TTC28: variants seen among roughly 807,000 people sequenced by gnomAD.
TTC28 encodes the protein tetratricopeptide repeat protein 28.
In TTC28, 61 loss-of-function variants were observed where a neutral mutation model predicts 198.0. The observed-to-expected ratio is 0.31, with a 90% CI of 0.25 to 0.38. The LOEUF is 0.38. TTC28 is among the 10% of genes least tolerant of loss of function. The pLI is 1.00. For synonymous variants in TTC28, 1,171 were observed against 1,297.8 expected, an observed-to-expected ratio of 0.90 and a Z score of 2.10; for missense variants, 2,678 against 3,164.0, an observed-to-expected ratio of 0.85 and a Z score of 3.69.
Position 28,105,460 on chromosome 22 carries a change from G to C in TTC28, c.3126C>G (p.Asn1042Lys). Residue 1042 changes from asparagine (N) to lysine (K), a missense_variant, in exon 8 of 23, where the codon AAC becomes AAG. By Grantham distance (94) the Asn-to-Lys change is moderately conservative. Coordinates refer to ENST00000397906, the MANE Select transcript of TTC28 (RefSeq NM_001145418.2). ...NPTCQGRAYG[N>K]LGLTYESLGT... Reference sequence around the variant, plus strand: ...CCAGGGATTCATAAGTCAGGCCCAGGTTCCCATAGGCTCGGCCCTGGCACG... The same window carrying C: ...CCAGGGATTCATAAGTCAGGCCCAGCTTCCCATAGGCTCGGCCCTGGCACG... The C allele has an allele frequency of 6.4e-7, 1 of 1,551,650 alleles. No homozygotes were observed. Among genetic ancestry groups the C allele is most frequent in the Non-Finnish European group, 8.7e-7 (1 of 1,146,988 alleles).
intron 2 of TTC28, among the ~76,000 whole-genome samples, chr22:28,419,844 A>C (rs1307143533): frequency 6.6e-6 from 1 of 152,224 alleles, no homozygotes; most frequent in Non-Finnish European, 1.5e-5. Context: ...TATTTTCCCA[A>C]CAGAGGCTCT....
intron 2 of TTC28, among the ~76,000 whole-genome samples, chr22:28,309,366 C>T (rs2045208694): frequency 6.6e-6 from 1 of 152,154 alleles, no homozygotes; most frequent in Non-Finnish European, 1.5e-5. Flanking sequence ...ATTCTCATTG[C>T]TGTAAGGCTC....
At chr22:28,091,147 A>G (rs1352546268) in intron 12 of TTC28, among the ~76,000 whole-genome samples, 1 of 152,234 alleles carries the variant, frequency 6.6e-6, no homozygotes, top group Non-Finnish European at 1.5e-5. Flanking sequence ...GATGAACTAT[A>G]ACTCAAAAGA....
At chr22:28,567,388 CAA>C (rs1382217506) in intron 2 of TTC28, among the ~76,000 whole-genome samples, 3 of 124,628 alleles carry the variant, frequency 2.4e-5, no homozygotes. Context: ...GACCCTGTCT[CAA>C]AAAAAAAAAG....
At chr22:28,331,813 T>C (rs1277189940) in intron 2 of TTC28, among the ~76,000 whole-genome samples, 1 of 152,100 alleles carries the variant, frequency 6.6e-6, no homozygotes, top group Admixed American at 6.6e-5. Flanking sequence ...AGAAATGAAT[T>C]TAACCTAGGA....
intron 1 of TTC28, among the ~76,000 whole-genome samples, chr22:28,644,797 TG>T (rs112257695): frequency 2.6e-5 from 4 of 152,184 alleles, no homozygotes; most frequent in African/African-American, 7.2e-5. Flanking sequence ...CACTCCAGCC[TG>T]GGCAACAAAG....
chr22:28,033,992 A>G (rs1414478926), intron 12 of TTC28, among the ~76,000 whole-genome samples: 1 of 152,232 alleles, frequency 6.6e-6, no homozygotes. Context: ...ATGGACAATC[A>G]TTACAGGATG....
chr22:28,513,907 T>G (rs558506280), intron 2 of TTC28, among the ~76,000 whole-genome samples: 5 of 152,202 alleles, frequency 3.3e-5, no homozygotes, highest in African/African-American at 1.2e-4. Flanking sequence ...AATGTCCTAT[T>G]ATGAAGGGCA....
chr22:28,477,053 G>A (rs73882765), intron 2 of TTC28, among the ~76,000 whole-genome samples: 1 of 152,116 alleles, frequency 6.6e-6, no homozygotes, highest in Admixed American at 6.5e-5. Flanking sequence ...TAAAGTTCTG[G>A]AACAGGCATA....
chr22:28,020,119 T>C (rs970528657), intron 13 of TTC28, among the ~76,000 whole-genome samples: 86 of 152,338 alleles, frequency 5.6e-4, no homozygotes, highest in African/African-American at 2.0e-3. Flanking sequence ...TCCCAGCCGC[T>C]GTGTCCCTAA....
chr22:28,235,245 T>A (rs987874422), intron 5 of TTC28, among the ~76,000 whole-genome samples: 1 of 152,154 alleles, frequency 6.6e-6, no homozygotes, highest in Non-Finnish European at 1.5e-5. Flanking sequence ...ATAGGCAAGA[T>A]GAAGAGACCA....
intron 2 of TTC28, among the ~76,000 whole-genome samples, chr22:28,399,200 T>C (rs2046863463): frequency 6.6e-6 from 1 of 152,006 alleles, no homozygotes; most frequent in Non-Finnish European, 1.5e-5. Flanking sequence ...AAACTCTTAA[T>C]ACCATGAACC....
chr22:28,061,306 G>C (rs1302259022), intron 12 of TTC28, among the ~76,000 whole-genome samples: 2 of 152,182 alleles, frequency 1.3e-5, no homozygotes, highest in Non-Finnish European at 2.9e-5. Flanking sequence ...CCTATGTCCT[G>C]AATGGTATTG....
chr22:28,191,248 A>G (rs1234239388), intron 5 of TTC28, among the ~76,000 whole-genome samples: 1 of 152,232 alleles, frequency 6.6e-6, no homozygotes. Context: ...TCCTGGTTAT[A>G]AAATAAATGG....
At chr22:28,357,318 T>TA (rs1222699654) in intron 2 of TTC28, among the ~76,000 whole-genome samples, 4 of 144,880 alleles carry the variant, frequency 2.8e-5, no homozygotes, top group Admixed American at 1.4e-4. Flanking sequence ...ATTTCTTATT[T>TA]TTTTTTTTTT....
At chr22:28,244,978 A>C (rs1929973262) in intron 5 of TTC28, among the ~76,000 whole-genome samples, 2 of 152,180 alleles carry the variant, frequency 1.3e-5, no homozygotes, top group Admixed American at 1.3e-4. Flanking sequence ...TGTCATGCCT[A>C]CAAGCAAGAT....
In TTC28 at chr22:28,306,620, G is replaced by T; in HGVS notation, c.405C>A (p.Ala135=). ...CGGCATGACGTCCAAGGTACTGGAGGGCAACACCCTGTCGGAAGTATGCCT... is the reference window on the plus strand; with the variant it reads ...CGGCATGACGTCCAAGGTACTGGAGTGCAACACCCTGTCGGAAGTATGCCT... ...WPKAYFRQGV[A]LQYLGRHADA... The change falls in exon 3 of 23, where the codon GCC becomes GCA. Residue 135 remains alanine (A), a synonymous_variant. Coordinates refer to ENST00000397906, the MANE Select transcript of TTC28 (RefSeq NM_001145418.2). The T allele has an allele frequency of 6.4e-7, 1 of 1,551,332 alleles. No homozygotes were observed. Among genetic ancestry groups the T allele is most frequent in the Non-Finnish European group, 8.7e-7 (1 of 1,146,882 alleles).
rs553163233 is a variant in TTC28 at position 28,343,267 on chromosome 22, T to G, written c.382-36624A>C. Among the ~76,000 whole-genome samples, 7 of 152,300 alleles carry G rather than the reference T, an allele frequency of 4.6e-5. No individual in the cohort carries two copies. In the East Asian group the frequency reaches 1.4e-3, roughly 29 times the overall value. On this transcript the variant is annotated intron_variant, in intron 2 of 22. Transcript: ENST00000397906. ...GATACAGGCCAGGCACAGTGGCTCATGCCTGTAATCCCAGCACTTTGGGAG... is the reference window on the plus strand; with the variant it reads ...GATACAGGCCAGGCACAGTGGCTCAGGCCTGTAATCCCAGCACTTTGGGAG...
At chr22:28,017,942 C>A (rs1172169098) in intron 13 of TTC28, among the ~76,000 whole-genome samples, 1 of 152,190 alleles carries the variant, frequency 6.6e-6, no homozygotes, top group East Asian at 1.9e-4. Context: ...CAGCTGAGCA[C>A]CCCCTGCCTG....
Sources: gnomAD v4.1 joint callset for allele counts (sites outside exome capture counted in the v4.1 genomes callset) on GRCh38, gnomAD v4.1.1 for gene constraint, MANE v1.5 for transcripts, NCBI Gene and HGNC (gene_info 2026-07-23, HGNC 2026-07-21) for gene names.